GOLM1: variants seen among roughly 807,000 people sequenced by gnomAD.
GOLM1 encodes the protein epididymis luminal protein 46.
GOLM1 carries 31 observed loss-of-function variants against 50.5 expected under a neutral mutation model. The observed-to-expected ratio is 0.61, with a 90% CI of 0.46 to 0.83. GOLM1 has a LOEUF of 0.83. GOLM1 is among the 40% of genes least tolerant of loss of function. GOLM1 has a pLI of 0.00. For missense variants in GOLM1, 491 were observed against 501.3 expected (o/e 0.98, Z 0.20); for synonymous variants, 178 against 192.8 (o/e 0.92, Z 0.64).
chr9:86,037,078 A>T (rs1464448720), intron 6 of GOLM1, among the ~76,000 whole-genome samples: 1 of 152,270 alleles, frequency 6.6e-6, no homozygotes, highest in East Asian at 1.9e-4. Context: ...ACACACTCCT[A>T]AATAACCAGT....
At chr9:86,099,668 A>G (rs1159742019), upstream of GOLM1, 1 of 150,256 alleles carries the variant, frequency 6.7e-6, no homozygotes, top group Non-Finnish European at 1.5e-5. Context: ...GGCCGCGCGG[A>G]CTCCCGGCCC....
At chr9:86,068,083 G>T (rs1037828755) in intron 3 of GOLM1, among the ~76,000 whole-genome samples, 1 of 151,970 alleles carries the variant, frequency 6.6e-6, no homozygotes, top group Non-Finnish European at 1.5e-5. Flanking sequence ...TTAAAATGAG[G>T]TCGCTAGGTG....
intron 9 of GOLM1, among the ~76,000 whole-genome samples, chr9:86,032,016 G>A (rs1359186517): frequency 6.6e-6 from 1 of 151,326 alleles, no homozygotes; most frequent in Non-Finnish European, 1.5e-5. Context: ...ACCTTACCGA[G>A]GGCTTGAGCC....
At chr9:86,077,237 G>A (rs1204439756) in intron 3 of GOLM1, among the ~76,000 whole-genome samples, 175 bp downstream of exon 3, 1 of 152,204 alleles carries the variant, frequency 6.6e-6, no homozygotes, top group Non-Finnish European at 1.5e-5. Context: ...CGCAAGCCCA[G>A]CCAGGGACTT....
Position 86,052,518 on chromosome 9 carries a change from A to C in GOLM1, c.364+19T>G. 1 of 1,611,766 alleles carries C rather than the reference A, an allele frequency of 6.2e-7. No homozygotes were observed. The highest frequency in any genetic ancestry group is 1.1e-5 in the South Asian group (1 of 91,056). Reference sequence around the variant, plus strand: ...CCTCAAAGGCCAGTGCCTGGTGTGGAGGAGCGAGCGGAACTTACCTTGCAG... The same window carrying C: ...CCTCAAAGGCCAGTGCCTGGTGTGGCGGAGCGAGCGGAACTTACCTTGCAG... On this transcript the variant is annotated intron_variant, in intron 4 of 9. Transcript: ENST00000388712.
chr9:86,065,849 G>T (rs1834293336), intron 3 of GOLM1, among the ~76,000 whole-genome samples: 1 of 152,150 alleles, frequency 6.6e-6, no homozygotes, highest in Non-Finnish European at 1.5e-5. Flanking sequence ...AGACCAGCCT[G>T]GCCAACATGG....
At chr9:86,033,421 A>T in intron 8 of GOLM1, 26 bp from the exon 9 acceptor site, 1 of 1,353,026 alleles carries the variant, frequency 7.4e-7, no homozygotes, top group Non-Finnish European at 1.1e-6. Flanking sequence ...ATAAAACATA[A>T]GCTACATCAT....
chr9:86,056,592 A>G (rs895798181), intron 3 of GOLM1, among the ~76,000 whole-genome samples: 6 of 143,546 alleles, frequency 4.2e-5, no homozygotes, highest in East Asian at 2.0e-4. Context: ...AGCAACCTCC[A>G]CCTCCCGGGT....
intron 3 of GOLM1, among the ~76,000 whole-genome samples, chr9:86,074,038 C>A (rs149985027): frequency 6.6e-6 from 1 of 152,170 alleles, no homozygotes; most frequent in East Asian, 1.9e-4. Flanking sequence ...CCCAGAGTGA[C>A]AGTGACTGCT....
At chr9:86,088,688 G>C (rs1835074373) in intron 1 of GOLM1, among the ~76,000 whole-genome samples, 1 of 150,772 alleles carries the variant, frequency 6.6e-6, no homozygotes, top group Non-Finnish European at 1.5e-5. Flanking sequence ...CCTGAATACA[G>C]CATACCTATG....
intron 1 of GOLM1, among the ~76,000 whole-genome samples, chr9:86,097,303 ATTCCTTCTG>A (rs1307565922): frequency 1.3e-5 from 2 of 152,234 alleles, no homozygotes; most frequent in Non-Finnish European, 2.9e-5. Context: ...TAGTAGCACC[ATTCCTTCTG>A]TTCCTTCTAC....
At chr9:86,089,699 G>GAAC (rs1176687566) in intron 1 of GOLM1, among the ~76,000 whole-genome samples, 1 of 152,100 alleles carries the variant, frequency 6.6e-6, no homozygotes, top group Non-Finnish European at 1.5e-5. Flanking sequence ...CATTGGGTTA[G>GAAC]AACATGCTCC....
chr9:86,073,265 A>G (rs1412439551), intron 3 of GOLM1, among the ~76,000 whole-genome samples: 1 of 152,080 alleles, frequency 6.6e-6, no homozygotes. Flanking sequence ...ATGTTTATAT[A>G]TATGTGAGAT....
intron 3 of GOLM1, among the ~76,000 whole-genome samples, chr9:86,059,144 A>G (rs1834078316): frequency 6.6e-6 from 1 of 152,222 alleles, no homozygotes; most frequent in Non-Finnish European, 1.5e-5. Flanking sequence ...TCAGTTTCTC[A>G]AAAAGTTCAA....
At position 86,040,872 on chromosome 9, in the gene GOLM1, T is replaced by C; in HGVS notation, c.468-4A>G. 1.2e-6 allele frequency: 2 copies of C among 1,613,192 alleles called. No homozygotes were observed. The highest frequency in any genetic ancestry group is 2.2e-5 in the East Asian group (1 of 44,856). Reference sequence around the variant, plus strand: ...CATCTGATTGATGCACTGGCTCCTTTGGTGAAAGAAAGCAAAGGAAGGGCC... The same window carrying C: ...CATCTGATTGATGCACTGGCTCCTTCGGTGAAAGAAAGCAAAGGAAGGGCC... On this transcript the variant is annotated splice_polypyrimidine_tract_variant and splice_region_variant and intron_variant, in intron 5 of 9. Coordinates refer to ENST00000388712, the MANE Select transcript of GOLM1 (RefSeq NM_016548.4).
intron 1 of GOLM1, among the ~76,000 whole-genome samples, chr9:86,091,216 C>A (rs1380633599): frequency 6.6e-6 from 1 of 152,136 alleles, no homozygotes; most frequent in Non-Finnish European, 1.5e-5. Flanking sequence ...ATCTTACCAG[C>A]CACTCTGTTG....
intron 3 of GOLM1, among the ~76,000 whole-genome samples, chr9:86,075,433 A>G (rs962754308): frequency 6.6e-6 from 1 of 152,214 alleles, no homozygotes; most frequent in Non-Finnish European, 1.5e-5. Flanking sequence ...TTCTAGGTTG[A>G]GCACTGGGTT....
intron 1 of GOLM1, 194 bp from the exon 2 acceptor site, chr9:86,079,535 C>A: frequency 2.4e-6 from 1 of 418,596 alleles, no homozygotes; most frequent in East Asian, 3.6e-5. Context: ...TGCTGTGAAC[C>A]CAGGGCAGTG....
chr9:86,031,216 A>G (rs978647618), intron 9 of GOLM1, among the ~76,000 whole-genome samples: 3 of 135,858 alleles, frequency 2.2e-5, no homozygotes, highest in African/African-American at 6.7e-5. Context: ...TCTGAGGAAG[A>G]AAAAAAAAAA....
Sources: allele counts gnomAD v4.1 joint callset (sites outside exome capture counted in the v4.1 genomes callset), GRCh38; gene constraint gnomAD v4.1.1; transcripts MANE v1.5; gene names NCBI Gene and HGNC (gene_info 2026-07-23, HGNC 2026-07-21).